DYM: variants seen among roughly 807,000 people sequenced by gnomAD.
DYM encodes the protein dymeclin.
A neutral mutation model predicts 93.1 loss-of-function variants in DYM; 78 were observed. The observed-to-expected ratio is 0.84, with a 90% confidence interval of 0.70 to 1.01. The LOEUF is 1.01. DYM is among the 50% of genes least tolerant of loss of function. The pLI, the probability that DYM is intolerant of heterozygous loss-of-function variation, is 0.00. For synonymous variants in DYM, 321 were observed against 319.7 expected (o/e 1.00, Z -0.04); for missense variants, 789 against 845.0 (o/e 0.93, Z 0.82).
chr18:49,413,649 T>C (rs1398555013), intron 2 of DYM, among the ~76,000 whole-genome samples: 2 of 152,200 alleles, frequency 1.3e-5, no homozygotes, highest in African/African-American at 2.4e-5. Context: ...TGATGTGGTA[T>C]ATAACTACAA....
intron 13 of DYM, among the ~76,000 whole-genome samples, chr18:49,247,305 TAA>T (rs2094192915): frequency 6.6e-6 from 1 of 152,140 alleles, no homozygotes; most frequent in Admixed American, 6.6e-5. Flanking sequence ...CTGCTGCGAG[TAA>T]TAATTTATGA....
chr18:49,454,756 AAAT>A (rs1186600297), intron 1 of DYM, among the ~76,000 whole-genome samples: 5 of 151,514 alleles, frequency 3.3e-5, no homozygotes, highest in Non-Finnish European at 1.5e-5. Flanking sequence ...AAAAAAAAAA[AAAT>A]TAGCCAGGCA....
chr18:49,374,075 T>C (rs2067272744), intron 5 of DYM, among the ~76,000 whole-genome samples: 1 of 152,316 alleles, frequency 6.6e-6, no homozygotes, highest in East Asian at 1.9e-4. Flanking sequence ...AAACTCAATG[T>C]ATAAAGCACA....
intron 17 of DYM, among the ~76,000 whole-genome samples, chr18:49,090,677 C>G (rs1248684174): frequency 6.6e-6 from 1 of 152,068 alleles, no homozygotes; most frequent in Admixed American, 6.5e-5. Flanking sequence ...CTCATAGAGC[C>G]TGACAGGCCC....
chr18:49,280,103 T>C (rs1472063664), intron 10 of DYM, among the ~76,000 whole-genome samples: 1 of 152,228 alleles, frequency 6.6e-6, no homozygotes, highest in African/African-American at 2.4e-5. Flanking sequence ...GGGTCCATAG[T>C]TATCTACATA....
At chr18:49,418,115 T>A (rs1470034174) in intron 2 of DYM, 2 of 145,696 alleles carry the variant, frequency 1.4e-5, no homozygotes, top group African/African-American at 5.0e-5. Flanking sequence ...ACATCATATA[T>A]CCAGCTAACT....
chr18:49,275,451 A>T (rs79419237), intron 10 of DYM, among the ~76,000 whole-genome samples: 14,401 of 152,094 alleles, frequency 0.095, 888 homozygotes, highest in East Asian at 0.31. Flanking sequence ...CTATTCTTGG[A>T]CCTTTGTAAT....
intron 13 of DYM, among the ~76,000 whole-genome samples, chr18:49,226,417 C>A (rs2093534623): frequency 6.6e-6 from 1 of 152,150 alleles, no homozygotes; most frequent in African/African-American, 2.4e-5. Flanking sequence ...TCTGCAAATG[C>A]CCAATATGGC....
intron 2 of DYM, among the ~76,000 whole-genome samples, chr18:49,413,610 C>A (rs1177215163): frequency 6.6e-6 from 1 of 151,964 alleles, no homozygotes; most frequent in South Asian, 2.1e-4. Flanking sequence ...GATAAGAGTA[C>A]AGCAAACTGA....
chr18:49,377,719 T>C (rs1415964276), intron 5 of DYM, among the ~76,000 whole-genome samples: 2 of 152,220 alleles, frequency 1.3e-5, no homozygotes, highest in African/African-American at 2.4e-5. Flanking sequence ...AATATTTGAC[T>C]TTGACATTTA....
intron 17 of DYM, among the ~76,000 whole-genome samples, chr18:49,087,754 A>G (rs1354321449): frequency 1.3e-5 from 2 of 151,856 alleles, no homozygotes; most frequent in African/African-American, 2.4e-5. Flanking sequence ...AAGTGTTCCT[A>G]TTTCTCCACA....
At chr18:49,180,925 G>A (rs1220673718) in intron 14 of DYM, among the ~76,000 whole-genome samples, 6 of 152,162 alleles carry the variant, frequency 3.9e-5, no homozygotes, top group Non-Finnish European at 7.4e-5. Context: ...ATGGAGGACT[G>A]TGGGCTCTGC....
chr18:49,045,950 G>T (rs949636963), intron 17 of DYM, among the ~76,000 whole-genome samples: 7 of 152,138 alleles, frequency 4.6e-5, no homozygotes, highest in African/African-American at 1.7e-4. Context: ...GAACTGGAGG[G>T]CACAGTGCAG....
chr18:49,296,661 T>A (rs1026715863), intron 8 of DYM, among the ~76,000 whole-genome samples: 2 of 152,174 alleles, frequency 1.3e-5, no homozygotes, highest in South Asian at 4.1e-4. Context: ...TGATGGACTT[T>A]TTACTAAATG....
chr18:49,135,934 T>C (rs931978938), intron 15 of DYM, among the ~76,000 whole-genome samples: 6 of 152,246 alleles, frequency 3.9e-5, no homozygotes, highest in South Asian at 4.1e-4. Context: ...ATTATAACTA[T>C]AGTTCACAAT....
At chr18:49,337,165 G>A (rs2063733435) in intron 6 of DYM, among the ~76,000 whole-genome samples, 1 of 152,198 alleles carries the variant, frequency 6.6e-6, no homozygotes, top group South Asian at 2.1e-4. Context: ...GAAGAATGCT[G>A]AGGTCAGGTA....
rs532938435 is a variant in DYM, at chr18:49,147,272, G to T, written c.1728+16413C>A. On this transcript the variant is annotated intron_variant, in intron 15 of 17. Transcript: ENST00000675505. The stretch of plus-strand genomic sequence containing the variant: ...AAGAAAACCTAGGCAATACCATTCA[G>T]GACATAGGCATGGGCAAGGACTTCA... Among the ~76,000 whole-genome samples, 6 of 152,014 alleles carry T rather than the reference G, an allele frequency of 3.9e-5. No individual in the cohort carries two copies. The East Asian group carries it at 1.2e-3, about 29-fold the overall frequency.
chr18:49,361,124 G>C (rs1481034196), intron 6 of DYM, among the ~76,000 whole-genome samples: 1 of 152,202 alleles, frequency 6.6e-6, no homozygotes, highest in Non-Finnish European at 1.5e-5. Context: ...AACAATACTG[G>C]AGTTCTGTTA....
At chr18:49,205,992 G>GTTTTTTTTTTGTTTT (rs1555800068) in intron 14 of DYM, 3 of 55,800 alleles carry the variant, frequency 5.4e-5, no homozygotes, top group South Asian at 6.9e-4. Context: ...CTAAGGTAGA[G>GTTTTTTTTTTGTTTT]TTTTTTTTTT....
Sources: allele counts gnomAD v4.1 joint callset (sites outside exome capture counted in the v4.1 genomes callset), GRCh38; gene constraint gnomAD v4.1.1; transcripts MANE v1.5; gene names NCBI Gene and HGNC (gene_info 2026-07-23, HGNC 2026-07-21).